ZNF550: variants seen among roughly 807,000 people sequenced by gnomAD.
ZNF550 encodes the protein zinc finger protein 550.
Under a neutral mutation model 40.2 loss-of-function variants are expected in ZNF550, and 42 were observed. The observed-to-expected ratio is 1.05, with a 90% CI of 0.82 to 1.35. The LOEUF is 1.35. ZNF550 is among the 40% of genes most tolerant of loss of function. ZNF550 has a pLI of 0.00. For synonymous variants in ZNF550, 223 were observed against 198.6 expected (o/e 1.12, Z -1.03); for missense variants, 549 against 525.2 (o/e 1.05, Z -0.44).
At chr19:57,548,879 T>C (rs998679663) in intron 3 of ZNF550, among the ~76,000 whole-genome samples, 2 of 152,138 alleles carry the variant, frequency 1.3e-5, no homozygotes, top group African/African-American at 4.8e-5. Context: ...GTATACACAA[T>C]GGGGTACTAT....
chr19:57,547,462 C>T, exon 4 of ZNF550: 1 of 1,614,108 alleles, frequency 6.2e-7, no homozygotes, highest in Non-Finnish European at 8.5e-7. Flanking sequence ...ACACTCAAGG[C>T]ACTTGTATGG....
rs954356128 is a variant in ZNF550 at position 57,546,516 on chromosome 19, C to G, written c.*459G>C. On this transcript the variant is annotated 3_prime_UTR_variant, in exon 4 of 5. Transcript: ENST00000457177. ...AATCCCAAGGTGGGTCAAATTCCAG[C>G]ATGGCTCTTTATAGGACAAGCAAGT... The G allele has an allele frequency of 1.5e-5, 15 of 989,692 alleles. No individual in the cohort carries two copies. The African/African-American group carries it at 2.4e-4, about 16-fold the overall frequency. The allele number at this position is 989,692 out of a possible 1,614,324, so 61.3% of individuals were successfully genotyped here. A position where few individuals can be genotyped will look rare whatever the true frequency, so the allele number is the denominator to read the frequency against.
chr19:57,558,808 T>G (rs1287784423), intron 1 of ZNF550, among the ~76,000 whole-genome samples: 1 of 151,890 alleles, frequency 6.6e-6, no homozygotes, highest in Non-Finnish European at 1.5e-5. Flanking sequence ...GTAATCAGAG[T>G]GACTGCTAGA....
chr19:57,550,433 T>C (rs1247537516), intron 3 of ZNF550, among the ~76,000 whole-genome samples: 3 of 152,206 alleles, frequency 2.0e-5, no homozygotes, highest in Non-Finnish European at 4.4e-5. Context: ...TGTCAACCAA[T>C]AGGAGAGTGA....
exon 4 of ZNF550, chr19:57,546,978 T>C: frequency 6.2e-6 from 10 of 1,608,998 alleles, no homozygotes; most frequent in Non-Finnish European, 8.5e-6. Flanking sequence ...GGTTCTCTCA[T>C]GTATGGACCC....
At chr19:57,551,549 G>A (rs904617823) in intron 3 of ZNF550, among the ~76,000 whole-genome samples, 1 of 152,240 alleles carries the variant, frequency 6.6e-6, no homozygotes, top group African/African-American at 2.4e-5. Flanking sequence ...GTGGAGTCCA[G>A]GAGCTATGTG....
At chr19:57,547,051 G>T in exon 4 of ZNF550, 1 of 1,613,922 alleles carries the variant, frequency 6.2e-7, no homozygotes, top group Middle Eastern at 1.7e-4. Flanking sequence ...ACACTTGTAG[G>T]GCATCTCCCC....
exon 5 of ZNF550, chr19:57,543,107 T>C (rs1158274383): frequency 4.6e-5 from 17 of 368,878 alleles, no homozygotes; most frequent in Non-Finnish European, 5.3e-5. Flanking sequence ...TTCACATTCA[T>C]TTTAGGATTT....
intron 2 of ZNF550, chr19:57,552,992 A>G: frequency 2.7e-6 from 1 of 375,978 alleles, no homozygotes; most frequent in Non-Finnish European, 4.8e-6. Context: ...TGAGGCCACA[A>G]GGGTGGAGCC....
At chr19:57,547,719 C>A (rs764688200) in exon 4 of ZNF550, 9 of 1,614,072 alleles carry the variant, frequency 5.6e-6, no homozygotes, top group Non-Finnish European at 7.6e-6. Flanking sequence ...CTGATAACCA[C>A]TCTTGTAATG....
At chr19:57,556,108 C>T (rs2090118166) in intron 2 of ZNF550, 123 bp downstream of exon 2, 1 of 1,274,008 alleles carries the variant, frequency 7.8e-7, no homozygotes, top group African/African-American at 1.5e-5. Context: ...AAAGGGAGAC[C>T]AGTCAGGAAG....
chr19:57,556,533 G>T (rs2090123117), intron 1 of ZNF550, 176 bp from the exon 2 acceptor site: 1 of 692,486 alleles, frequency 1.4e-6, no homozygotes, highest in Admixed American at 3.1e-5. Context: ...TTTTGACAAT[G>T]CAATTGTGCC....
exon 2 of ZNF550, chr19:57,556,272 C>A: frequency 3.1e-6 from 5 of 1,614,120 alleles, no homozygotes; most frequent in Non-Finnish European, 3.4e-6. Context: ...CATCACCTCT[C>A]GGTACAGGGT....
intron 3 of ZNF550, among the ~76,000 whole-genome samples, chr19:57,549,219 C>T (rs1264300962): frequency 2.6e-5 from 4 of 152,176 alleles, no homozygotes; most frequent in African/African-American, 7.2e-5. Context: ...GTGACAGATA[C>T]TTCCTTTACC....
At chr19:57,544,760 C>T (rs993354861) in intron 4 of ZNF550, among the ~76,000 whole-genome samples, 1 of 152,174 alleles carries the variant, frequency 6.6e-6, no homozygotes, top group African/African-American at 2.4e-5. Context: ...ATTTTTCACA[C>T]GTTTTAACCT....
At chr19:57,560,558 T>TG (rs1406278129), upstream of ZNF550, among the ~76,000 whole-genome samples, 1 of 152,126 alleles carries the variant, frequency 6.6e-6, no homozygotes, top group East Asian at 1.9e-4. Context: ...AAGAGGGAAA[T>TG]GCGGACGTAC....
At chr19:57,556,199 GTCC>G in intron 2 of ZNF550, 29 bp downstream of exon 2, 2 of 1,613,550 alleles carry the variant, frequency 1.2e-6, no homozygotes, top group African/African-American at 1.3e-5. Flanking sequence ...CAGGGTTAGG[GTCC>G]TCCTCAGGGA....
exon 4 of ZNF550, chr19:57,547,881 C>T (rs138647268): frequency 1.3e-5 from 21 of 1,613,962 alleles, no homozygotes; most frequent in African/African-American, 2.7e-5. Context: ...TCCCCAACCT[C>T]GAATCACTTG....
At chr19:57,556,253 G>A (rs1295479783) in exon 2 of ZNF550, 2 of 1,614,026 alleles carry the variant, frequency 1.2e-6, no homozygotes, top group Admixed American at 1.7e-5. Flanking sequence ...GAAGCCCACA[G>A]GTCTCCAGCA....
Sources: gnomAD v4.1 joint callset for allele counts (sites outside exome capture counted in the v4.1 genomes callset) on GRCh38, gnomAD v4.1.1 for gene constraint, MANE v1.5 for transcripts, NCBI Gene and HGNC (gene_info 2026-07-23, HGNC 2026-07-21) for gene names.